HLA-F: variants seen among roughly 807,000 people sequenced by gnomAD.
The protein encoded by HLA-F is HLA class I histocompatibility antigen, alpha chain F.
In HLA-F, 46 loss-of-function variants were observed where a neutral mutation model predicts 49.5. The ratio of observed to expected loss-of-function variants is 0.93; its 90% confidence interval spans 0.73 to 1.19. The LOEUF (loss-of-function observed/expected upper bound fraction) is 1.19. Among genes scored for constraint, HLA-F ranks in the 50% most tolerant of loss-of-function variants. The probability of loss-of-function intolerance (pLI) is 0.00; values close to 1 mark genes in which losing one functional copy is unlikely to be tolerated. For missense variants in HLA-F, 496 were observed against 579.6 expected, an observed-to-expected ratio of 0.86 and a Z score of 1.48; for synonymous variants, 203 against 233.5, an observed-to-expected ratio of 0.87 and a Z score of 1.19.
chr6:29,737,218 C>CAAAAAAAAAAAAAAAAA (rs3030698), intron 3 of HLA-F, among the ~76,000 whole-genome samples: 37 of 65,192 alleles, frequency 5.7e-4, no homozygotes, highest in South Asian at 2.0e-3. Context: ...ATCCTCATGG[C>CAAAAAAAAAAAAAAAAA]AAAAAAAAAA....
At chr6:29,726,195 G>A (rs765774830) in intron 6 of HLA-F, 152 bp downstream of exon 6, 2 of 943,122 alleles carry the variant, frequency 2.1e-6, no homozygotes, top group Non-Finnish European at 3.5e-6. Flanking sequence ...ACAGTGCCCA[G>A]GGCTCTGGGG....
At chr6:29,736,746 T>G (rs1489805817) in intron 3 of HLA-F, 9 of 129,008 alleles carry the variant, frequency 7.0e-5, no homozygotes, top group African/African-American at 2.7e-4. Flanking sequence ...CAGGTCTTGC[T>G]GTGTGTGGTC....
intron 3 of HLA-F, among the ~76,000 whole-genome samples, chr6:29,737,568 C>G (rs1216394212): frequency 6.6e-6 from 1 of 152,160 alleles, no homozygotes; most frequent in African/African-American, 2.4e-5. Flanking sequence ...TCTAGGTCAG[C>G]TGCCAAACTT....
intron 5 of HLA-F, 113 bp downstream of exon 5, chr6:29,725,676 G>A: frequency 1.1e-6 from 1 of 905,538 alleles, no homozygotes; most frequent in South Asian, 1.5e-5. Context: ...ACACTCATGG[G>A]TCTACCCAGC....
Position 29,723,674 on chromosome 6 carries a change from G to A in HLA-F, c.81G>A (p.Arg27=), listed in dbSNP as rs755090200. 4.3e-6 allele frequency: 7 copies of A among 1,610,544 alleles called. No individual in the cohort carries two copies. In the Admixed American group the frequency reaches 1.2e-4, roughly 27 times the overall value. Residue 27 remains arginine (R), a synonymous_variant, in exon 2 of 7, where the codon AGG becomes AGA. Transcript: ENST00000259951. The part of the protein sequence containing the change: ...TDTWAGSHSL[R]YFSTAVSRPG... ...CGCCCCCAGGCTCCCACTCCTTGAG[G>A]TATTTCAGCACCGCTGTGTCGCGGC...
chr6:29,724,910 C>G, intron 3 of HLA-F, 121 bp from the exon 4 acceptor site: 1 of 1,137,886 alleles, frequency 8.8e-7, no homozygotes, highest in Non-Finnish European at 1.3e-6. Flanking sequence ...AGGCTGGTGT[C>G]TGGGTTCTGT....
Position 29,723,477 on chromosome 6 carries a change from GCCT to G in HLA-F, c.21_23del (p.Leu10del). Reference sequence around the variant, plus strand: ...GAGGTTGGGGTCATGGCGCCCCGAAGCCTCCTCCTGCTGCTCTCAGGGGCCCTG... The same window carrying G: ...GAGGTTGGGGTCATGGCGCCCCGAAGCCTCCTGCTGCTCTCAGGGGCCCTG... On this transcript the variant is annotated inframe_deletion, in exon 1 of 7. Coordinates refer to ENST00000259951, the MANE Select transcript of HLA-F (RefSeq NM_001098479.2). The G allele has an allele frequency of 6.2e-7, 1 of 1,613,520 alleles. No individual in the cohort carries two copies. Among genetic ancestry groups the G allele is most frequent in the Admixed American group, 1.7e-5 (1 of 59,960 alleles).
rs1736924 is a variant in HLA-F at position 29,725,234 on chromosome 6, C to T, written c.814C>T (p.Pro272Ser). 1,339,585 of 1,613,956 alleles carry T rather than the reference C, an allele frequency of 0.83. 558,087 individuals are homozygous for T. Among genetic ancestry groups the T allele is most frequent in the East Asian group, 0.99 (44,387 of 44,844 alleles). ...FQKWAAVVVP[P>S]GEEQRYTCHV... ...GAAGTGGGCCGCTGTGGTGGTGCCTCCTGGAGAGGAACAGAGATACACATG... is the reference window on the plus strand; with the variant it reads ...GAAGTGGGCCGCTGTGGTGGTGCCTTCTGGAGAGGAACAGAGATACACATG... The change falls in exon 4 of 7, where the codon CCT becomes TCT. Residue 272 changes from proline (P) to serine (S), a missense_variant. Pro to Ser is a moderately conservative substitution (Grantham distance 74). Coordinates refer to ENST00000259951, the MANE Select transcript of HLA-F (RefSeq NM_001098479.2).
At chr6:29,730,687 G>T (rs915622136), downstream of HLA-F, among the ~76,000 whole-genome samples, 2 of 151,984 alleles carry the variant, frequency 1.3e-5, no homozygotes, top group African/African-American at 4.8e-5. Flanking sequence ...GCTGCCTGCT[G>T]CCTCTCATGC....
chr6:29,724,159 C>A lies in HLA-F; in HGVS notation c.335-14C>A. 1 of 1,612,606 alleles carries A rather than the reference C, an allele frequency of 6.2e-7. No homozygotes were observed. The highest frequency in any genetic ancestry group is 2.2e-5 in the East Asian group (1 of 44,870). On this transcript the variant is annotated splice_polypyrimidine_tract_variant and intron_variant, in intron 2 of 6. Transcript: ENST00000259951. ...GGGGCTAGCTGGGCGGGGCTGACTG[C>A]GGGGACCGGCTAGGGTCTCACACCC...
rs1275198058 is a variant in HLA-F at position 29,724,278 on chromosome 6, T to C, written c.440T>C (p.Leu147Pro). The C allele has an allele frequency of 6.2e-7, 1 of 1,613,266 alleles. No individual in the cohort carries two copies. The highest frequency in any genetic ancestry group is 8.5e-7 in the Non-Finnish European group (1 of 1,180,034). ...HAYDGKDYISLNEDLRSWTAA... is the reference protein window; with the variant it reads ...HAYDGKDYISPNEDLRSWTAA... ...TACGACGGCAAGGATTACATCTCCCTGAACGAGGACCTGCGCTCCTGGACC... is the reference window on the plus strand; with the variant it reads ...TACGACGGCAAGGATTACATCTCCCCGAACGAGGACCTGCGCTCCTGGACC... The change falls in exon 3 of 7, where the codon CTG becomes CCG. Residue 147 changes from leucine (L) to proline (P), a missense_variant. Physicochemically the swap from Leu to Pro is moderately conservative, Grantham distance 98. Coordinates refer to ENST00000259951, the MANE Select transcript of HLA-F (RefSeq NM_001098479.2).
chr6:29,727,528 T>G (rs2523405), downstream of HLA-F, among the ~76,000 whole-genome samples: 64,500 of 152,028 alleles, frequency 0.42, 13,777 homozygotes, highest in Non-Finnish European at 0.45. Context: ...TATCATATTA[T>G]TTCCCCTGAT....
chr6:29,727,307 T>G (rs890402503), downstream of HLA-F: 58 of 577,434 alleles, frequency 1.0e-4, no homozygotes, highest in Middle Eastern at 1.1e-3. Flanking sequence ...TTTAAAGTCC[T>G]TTTATGTTCA....
chr6:29,726,763 G>A, intron 6 of HLA-F, 120 bp from the exon 7 acceptor site: 2 of 1,242,400 alleles, frequency 1.6e-6, no homozygotes, highest in Non-Finnish European at 2.3e-6. Context: ...CTGAATCAGA[G>A]TGTTGACTTT....
At chr6:29,737,573 A>G (rs547608967) in intron 3 of HLA-F, among the ~76,000 whole-genome samples, 1 of 152,332 alleles carries the variant, frequency 6.6e-6, no homozygotes, top group East Asian at 1.9e-4. Flanking sequence ...GTCAGCTGCC[A>G]AACTTCTCCC....
At chr6:29,729,787 T>A (rs1776406165), downstream of HLA-F, among the ~76,000 whole-genome samples, 1 of 152,162 alleles carries the variant, frequency 6.6e-6, no homozygotes, top group Non-Finnish European at 1.5e-5. Flanking sequence ...TAAAGAACTA[T>A]GACTTAACAA....
At chr6:29,736,145 G>A (rs999687341) in intron 3 of HLA-F, 1 of 251,438 alleles carries the variant, frequency 4.0e-6, no homozygotes, top group Non-Finnish European at 7.9e-6. Flanking sequence ...ACTTTATTTT[G>A]CTCAAGTTCC....
chr6:29,724,299 G>C lies in HLA-F; in HGVS notation c.461G>C (p.Trp154Ser), dbSNP rs1236484113. ...YISLNEDLRS[W>S]TAADTVAQIT... ...TCCCTGAACGAGGACCTGCGCTCCTGGACCGCGGCGGACACCGTGGCTCAG... is the reference window on the plus strand; with the variant it reads ...TCCCTGAACGAGGACCTGCGCTCCTCGACCGCGGCGGACACCGTGGCTCAG... The change falls in exon 3 of 7, where the codon TGG (tryptophan) becomes TCG (serine). Residue 154 changes from tryptophan to serine, a missense_variant. Transcript: ENST00000259951. The C allele has an allele frequency of 5.0e-6, 8 of 1,613,228 alleles. No homozygotes were observed. Among genetic ancestry groups the C allele is most frequent in the Admixed American group, 1.7e-5 (1 of 60,026 alleles).
rs1468929401 is a variant in HLA-F, at chr6:29,723,695, G to A, written c.102G>A (p.Ser34=). ...TGAGGTATTTCAGCACCGCTGTGTC[G>A]CGGCCCGGCCGCGGGGAGCCCCGCT... ...HSLRYFSTAV[S]RPGRGEPRYI... Residue 34 remains serine, a synonymous_variant, in exon 2 of 7, where the codon TCG becomes TCA. Transcript: ENST00000259951. 6.2e-7 allele frequency: 1 copy of A among 1,611,206 alleles called. No homozygotes were observed. The highest frequency in any genetic ancestry group is 1.3e-5 in the African/African-American group (1 of 74,880).
Sources: allele counts gnomAD v4.1 joint callset (sites outside exome capture counted in the v4.1 genomes callset), GRCh38; gene constraint gnomAD v4.1.1; transcripts MANE v1.5; gene names NCBI Gene and HGNC (gene_info 2026-07-23, HGNC 2026-07-21).